The following RANBP2 variants were observed in gnomAD, a reference collection of about 807,000 sequenced individuals.
The protein encoded by RANBP2 is E3 SUMO-protein ligase RanBP2.
Under a neutral mutation model 303.6 loss-of-function variants are expected in RANBP2, and 57 were observed. The ratio of observed to expected loss-of-function variants is 0.19; its 90% CI spans 0.15 to 0.23. The LOEUF (loss-of-function observed/expected upper bound fraction) is 0.23. RANBP2 is among the 10% of genes least tolerant of loss of function. RANBP2 has a pLI of 1.00. For missense variants in RANBP2, 3,138 were observed against 3,780.8 expected (o/e 0.83, Z 4.46); for synonymous variants, 1,167 against 1,301.5 (o/e 0.90, Z 2.23).
At chr2:108,992,343 G>A in the RANBP2 span, among the ~76,000 whole-genome samples, 1 of 152,206 alleles carries the variant, frequency 6.6e-6, no homozygotes, top group Admixed American at 6.5e-5. Context: ...GAGGCATAGA[G>A]TAATCAAGTT....
the RANBP2 span, among the ~76,000 whole-genome samples, chr2:109,260,221 T>A: frequency 1.3e-5 from 2 of 152,118 alleles, no homozygotes; most frequent in Non-Finnish European, 2.9e-5. Context: ...GGCAGCCCTG[T>A]GATTTACCGT....
chr2:109,495,861 A>G, the RANBP2 span, among the ~76,000 whole-genome samples: 1 of 152,306 alleles, frequency 6.6e-6, no homozygotes, highest in Admixed American at 6.5e-5. Flanking sequence ...GTCTGGGTAT[A>G]ATACTTGTAA....
the RANBP2 span, among the ~76,000 whole-genome samples, chr2:109,254,752 C>T: frequency 6.6e-6 from 1 of 152,086 alleles, no homozygotes; most frequent in African/African-American, 2.4e-5. Flanking sequence ...ATTGCCGGGA[C>T]TTTAGTGGCT....
the RANBP2 span, among the ~76,000 whole-genome samples, chr2:109,646,731 C>A: frequency 1.3e-5 from 2 of 148,582 alleles, no homozygotes; most frequent in Admixed American, 6.8e-5. Context: ...GTCTTGAACT[C>A]CTGACCTCAA....
At chr2:109,534,743 G>T in the RANBP2 span, among the ~76,000 whole-genome samples, 1 of 150,810 alleles carries the variant, frequency 6.6e-6, no homozygotes, top group South Asian at 2.1e-4. Flanking sequence ...TTGTGCCACT[G>T]TACTCCACAG....
At chr2:108,890,232 C>CTTTTTTTTTTTT in the RANBP2 span, among the ~76,000 whole-genome samples, 4 of 114,698 alleles carry the variant, frequency 3.5e-5, no homozygotes, top group African/African-American at 7.0e-5. Flanking sequence ...ATGGGGTTTT[C>CTTTTTTTTTTTT]TTTTTTTTTT....
chr2:108,948,643 G>A, the RANBP2 span, among the ~76,000 whole-genome samples: 11,290 of 152,212 alleles, frequency 0.074, 636 homozygotes, highest in African/African-American at 0.16. Flanking sequence ...GAAGTGGGGA[G>A]TGCCAGACAC....
the RANBP2 span, among the ~76,000 whole-genome samples, chr2:109,219,146 C>G: frequency 1.3e-5 from 2 of 152,192 alleles, no homozygotes; most frequent in Non-Finnish European, 2.9e-5. Flanking sequence ...TCGCTCACAC[C>G]CCATTCACAA....
At chr2:109,590,033 T>C in the RANBP2 span, among the ~76,000 whole-genome samples, 4 of 147,098 alleles carry the variant, frequency 2.7e-5, no homozygotes, top group African/African-American at 7.8e-5. Context: ...CACACACATA[T>C]ATACACACAT....
the RANBP2 span, among the ~76,000 whole-genome samples, chr2:109,290,076 C>G: frequency 1.3e-5 from 2 of 152,214 alleles, no homozygotes; most frequent in South Asian, 4.1e-4. Flanking sequence ...CAAGGAATCT[C>G]TCTTGTGATG....
the RANBP2 span, among the ~76,000 whole-genome samples, chr2:109,213,898 C>A: frequency 6.6e-6 from 1 of 152,254 alleles, no homozygotes; most frequent in East Asian, 1.9e-4. Context: ...CAAAGCCTCC[C>A]GGGACACTGG....
At chr2:109,026,297 C>CTT in the RANBP2 span, among the ~76,000 whole-genome samples, 1 of 93,426 alleles carries the variant, frequency 1.1e-5, no homozygotes, top group Non-Finnish European at 2.0e-5. Context: ...CCATGCCTAG[C>CTT]TTTTTTTTTT....
At chr2:109,014,156 C>G in the RANBP2 span, among the ~76,000 whole-genome samples, 2 of 152,184 alleles carry the variant, frequency 1.3e-5, no homozygotes, top group East Asian at 1.9e-4. Context: ...TTATCTCCTG[C>G]TAGATAATAA....
At chr2:108,920,146 G>A in the RANBP2 span, among the ~76,000 whole-genome samples, 9 of 152,220 alleles carry the variant, frequency 5.9e-5, no homozygotes, top group African/African-American at 1.4e-4. Context: ...GCCAGCTCAC[G>A]TGCCGTGGAG....
At chr2:109,223,743 C>T in the RANBP2 span, among the ~76,000 whole-genome samples, 2 of 152,212 alleles carry the variant, frequency 1.3e-5, no homozygotes, top group Non-Finnish European at 2.9e-5. Context: ...CTTGCAGAGC[C>T]GTGGAGGACA....
chr2:109,581,436 C>CAA, the RANBP2 span, among the ~76,000 whole-genome samples: 4 of 98,710 alleles, frequency 4.1e-5, no homozygotes, highest in Admixed American at 1.1e-4. Flanking sequence ...GACCCTGTCT[C>CAA]AAAAAAAAAA....
chr2:108,910,938 G>A, the RANBP2 span: 1 of 1,613,988 alleles, frequency 6.2e-7, no homozygotes, highest in African/African-American at 1.3e-5. Context: ...GGCGCATGGG[G>A]GCCGTCACCT....
the RANBP2 span, among the ~76,000 whole-genome samples, chr2:109,509,649 A>G: frequency 6.6e-6 from 1 of 152,014 alleles, no homozygotes; most frequent in Non-Finnish European, 1.5e-5. Context: ...TCACCCGAAT[A>G]ACATACATGA....
chr2:109,642,751 T>C, the RANBP2 span, among the ~76,000 whole-genome samples: 9 of 152,194 alleles, frequency 5.9e-5, no homozygotes, highest in Admixed American at 5.9e-4. Context: ...GGAAAATTTT[T>C]TAAGATTGGA....
Sources: gnomAD v4.1 joint callset for allele counts (sites outside exome capture counted in the v4.1 genomes callset) on GRCh38, gnomAD v4.1.1 for gene constraint, MANE v1.5 for transcripts, NCBI Gene and HGNC (gene_info 2026-07-23, HGNC 2026-07-21) for gene names.